HDAC9: variants seen among roughly 807,000 people sequenced by gnomAD.
The protein encoded by HDAC9 is MEF-2 interacting transcription repressor (MITR) protein.
In HDAC9, 41 loss-of-function variants were observed where a neutral mutation model predicts 139.4. That is an observed-to-expected ratio of 0.29 (90% CI 0.23 to 0.38). The LOEUF is 0.38. Ranked by LOEUF, HDAC9 falls within the 10% of genes least tolerant of loss-of-function variation. The pLI is 1.00. For synonymous variants in HDAC9, 517 were observed against 476.2 expected, an observed-to-expected ratio of 1.09 and a Z score of -1.12; for missense variants, 1,147 against 1,297.0, an observed-to-expected ratio of 0.88 and a Z score of 1.78.
chr7:18,473,290 T>A (rs922159796), intron 1 of HDAC9, among the ~76,000 whole-genome samples: 1 of 152,186 alleles, frequency 6.6e-6, no homozygotes, highest in African/African-American at 2.4e-5. Context: ...AGAAGTAACA[T>A]ATGGTAGTTG....
In HDAC9 at chr7:18,175,774, C is replaced by G. The variant is rs1053432538; in HGVS notation, c.25+13425C>G. 1.4e-5 allele frequency among the ~76,000 whole-genome samples: 2 copies of G among 139,682 alleles called. 1 individual carries two copies. The highest frequency in any genetic ancestry group is 3.1e-5 in the Non-Finnish European group (2 of 64,576). 91.6% of individuals were successfully genotyped at this position (139,682 alleles called of 152,430 possible). A position where few individuals can be genotyped will look rare whatever the true frequency, so the allele number is the denominator to read the frequency against. On this transcript the variant is annotated intron_variant, in intron 2 of 12. Transcript: ENST00000417496. ...ATCTGTAAAATTATTTTTAACCCCC[C>G]CCCCCCTTTTTTTAGAATAACTTCC...
At chr7:18,498,990 T>C (rs918892836) in intron 2 of HDAC9, among the ~76,000 whole-genome samples, 4 of 152,076 alleles carry the variant, frequency 2.6e-5, no homozygotes, top group Non-Finnish European at 5.9e-5. Flanking sequence ...AGTTATCTTA[T>C]AAATCAACTA....
intron 17 of HDAC9, among the ~76,000 whole-genome samples, chr7:18,799,277 G>C (rs896456223): frequency 3.3e-5 from 5 of 152,022 alleles, no homozygotes; most frequent in Admixed American, 2.6e-4. Context: ...TAACAAAAAG[G>C]AACAACAACA....
intron 22 of HDAC9, among the ~76,000 whole-genome samples, chr7:18,893,939 C>T (rs1488696024): frequency 6.6e-6 from 1 of 152,098 alleles, no homozygotes; most frequent in African/African-American, 2.4e-5. Flanking sequence ...CAGGACCAAG[C>T]CCACAGTGCC....
At chr7:18,087,476 G>A (rs1278774330) in intron 1 of HDAC9, among the ~76,000 whole-genome samples, 1 of 152,194 alleles carries the variant, frequency 6.6e-6, no homozygotes, top group Non-Finnish European at 1.5e-5. Context: ...AAACTGAGGC[G>A]AGCGGTCGGT....
chr7:18,538,811 T>C (rs1338934944), intron 2 of HDAC9, among the ~76,000 whole-genome samples: 2 of 152,212 alleles, frequency 1.3e-5, no homozygotes, highest in African/African-American at 4.8e-5. Context: ...TGTTTTCTAC[T>C]TCTGTGTTAG....
chr7:18,511,078 G>A (rs909990677), intron 2 of HDAC9, among the ~76,000 whole-genome samples: 6 of 152,208 alleles, frequency 3.9e-5, no homozygotes, highest in African/African-American at 1.4e-4. Context: ...ATGTATGCCA[G>A]TGTCCTTTTA....
At chr7:18,180,384 T>G (rs1163717384) in intron 2 of HDAC9, among the ~76,000 whole-genome samples, 1 of 152,170 alleles carries the variant, frequency 6.6e-6, no homozygotes, top group Non-Finnish European at 1.5e-5. Context: ...CTTTGTTTTG[T>G]CATTTTTGTC....
At chr7:18,623,582 T>C (rs968878086) in intron 6 of HDAC9, among the ~76,000 whole-genome samples, 1 of 152,164 alleles carries the variant, frequency 6.6e-6, no homozygotes, top group African/African-American at 2.4e-5. Context: ...TACCATTCTT[T>C]TGTAGATGAT....
At chr7:18,931,988 TTTAG>T (rs1804785828) in intron 22 of HDAC9, among the ~76,000 whole-genome samples, 1 of 152,138 alleles carries the variant, frequency 6.6e-6, no homozygotes, top group Non-Finnish European at 1.5e-5. Flanking sequence ...TCAACTATAC[TTTAG>T]TTAATAATAA....
At chr7:18,458,187 G>A (rs543124886) in intron 1 of HDAC9, among the ~76,000 whole-genome samples, 1 of 152,134 alleles carries the variant, frequency 6.6e-6, no homozygotes, top group Non-Finnish European at 1.5e-5. Flanking sequence ...CCAGGGTGCT[G>A]GTAATTAAAT....
At chr7:18,143,162 C>T (rs1786037070) in intron 1 of HDAC9, among the ~76,000 whole-genome samples, 1 of 152,158 alleles carries the variant, frequency 6.6e-6, no homozygotes, top group Non-Finnish European at 1.5e-5. Flanking sequence ...TCCTGTGCAC[C>T]TACGCCTATT....
intron 2 of HDAC9, among the ~76,000 whole-genome samples, chr7:18,248,410 T>A (rs192685646): frequency 1.3e-5 from 2 of 152,234 alleles, no homozygotes; most frequent in Admixed American, 1.3e-4. Context: ...CATTAAAAAA[T>A]TTTAGAGACA....
At chr7:18,591,009 TA>T (rs1830789673) in intron 4 of HDAC9, among the ~76,000 whole-genome samples, 2 of 152,212 alleles carry the variant, frequency 1.3e-5, no homozygotes, top group African/African-American at 4.8e-5. Context: ...TAGCAAAGTT[TA>T]AAATTTGATG....
At chr7:18,393,137 T>TTAA (rs199658216) in intron 1 of HDAC9, among the ~76,000 whole-genome samples, 2 of 127,454 alleles carry the variant, frequency 1.6e-5, no homozygotes, top group African/African-American at 5.2e-5. Context: ...TTTTTTTTTT[T>TTAA]AAAAAAACAT....
At chr7:18,638,850 T>C (rs1234388280) in intron 8 of HDAC9, among the ~76,000 whole-genome samples, 1 of 152,072 alleles carries the variant, frequency 6.6e-6, no homozygotes, top group Non-Finnish European at 1.5e-5. Flanking sequence ...GTAAACTTGG[T>C]TGGGGAGCTG....
At chr7:18,455,733 T>C (rs1407839145) in intron 1 of HDAC9, among the ~76,000 whole-genome samples, 1 of 152,184 alleles carries the variant, frequency 6.6e-6, no homozygotes, top group Non-Finnish European at 1.5e-5. Context: ...ATTATGTTTC[T>C]AAATTTAGAA....
chr7:18,315,425 A>G (rs1022964883), intron 1 of HDAC9, among the ~76,000 whole-genome samples: 4 of 152,174 alleles, frequency 2.6e-5, no homozygotes, highest in Non-Finnish European at 4.4e-5. Flanking sequence ...CAGGCTGGTA[A>G]AACAAGCTGC....
At chr7:18,814,436 T>C (rs778645301) in intron 17 of HDAC9, among the ~76,000 whole-genome samples, 2 of 152,224 alleles carry the variant, frequency 1.3e-5, no homozygotes, top group Non-Finnish European at 2.9e-5. Flanking sequence ...CGGATGTTCC[T>C]TGCTTTTTTG....
Sources: gnomAD v4.1 joint callset for allele counts (sites outside exome capture counted in the v4.1 genomes callset) on GRCh38, gnomAD v4.1.1 for gene constraint, MANE v1.5 for transcripts, NCBI Gene and HGNC (gene_info 2026-07-23, HGNC 2026-07-21) for gene names.